SNTG1: variants seen among roughly 807,000 people sequenced by gnomAD.
SNTG1 encodes syntrophin gamma 1, also known as gamma-1-syntrophin.
A neutral mutation model predicts 74.7 loss-of-function variants in SNTG1; 39 were observed. The observed-to-expected ratio is 0.52, with a 90% CI of 0.40 to 0.68. The LOEUF (loss-of-function observed/expected upper bound fraction) is 0.68. SNTG1 is among the 30% of genes least tolerant of loss of function. SNTG1 has a pLI of 0.00. For missense variants in SNTG1, 685 were observed against 609.5 expected, an observed-to-expected ratio of 1.12 and a Z score of -1.30; for synonymous variants, 254 against 217.1, an observed-to-expected ratio of 1.17 and a Z score of -1.49.
At position 49,951,635 on chromosome 8, in the gene SNTG1, C is replaced by T. The variant is rs545869319; in HGVS notation, c.-103+39404C>T. Among the ~76,000 whole-genome samples, 6 of 151,428 alleles carry T rather than the reference C, an allele frequency of 4.0e-5. No homozygotes were observed. In the South Asian group the frequency reaches 8.4e-4, roughly 21 times the overall value. On this transcript the variant is annotated intron_variant, in intron 1 of 18. Transcript: ENST00000642720. ...GGGTGGGGGGAGCGGGGAGGGATAG[C>T]ATTGGGAGATATACCTAAGGCTAGA...
chr8:50,400,040 GC>G (rs2092782140), intron 3 of SNTG1, among the ~76,000 whole-genome samples: 1 of 152,154 alleles, frequency 6.6e-6, no homozygotes. Context: ...GTGTGCATCA[GC>G]ACACGAGAAC....
chr8:50,609,277 T>C (rs1483517242), intron 13 of SNTG1, among the ~76,000 whole-genome samples: 2 of 152,044 alleles, frequency 1.3e-5, no homozygotes, highest in African/African-American at 4.8e-5. Flanking sequence ...GGTAAAGTAT[T>C]TTGTTGTTGC....
rs192099375 is a variant in SNTG1 at position 50,518,045 on chromosome 8, C to T, written c.467-12132C>T. ...ATCACACTTATTCTAAAATTGACCA[C>T]ACAATTGGAAGTAAAACACTCCTCT... On this transcript the variant is annotated intron_variant, in intron 9 of 18. Coordinates refer to ENST00000642720, the MANE Select transcript of SNTG1 (RefSeq NM_018967.5). 6.5e-3 allele frequency among the ~76,000 whole-genome samples: 995 copies of T among 152,200 alleles called. 3 individuals are homozygous for T. Among genetic ancestry groups the T allele is most frequent in the Middle Eastern group, 0.031 (9 of 294 alleles).
intron 12 of SNTG1, among the ~76,000 whole-genome samples, chr8:50,581,949 G>A (rs2094612802): frequency 6.6e-6 from 1 of 152,140 alleles, no homozygotes; most frequent in Non-Finnish European, 1.5e-5. Flanking sequence ...GCTTGAAGGA[G>A]GTTAAGAAAT....
intron 1 of SNTG1, among the ~76,000 whole-genome samples, chr8:50,017,406 T>A (rs1293916030): frequency 6.6e-6 from 1 of 152,022 alleles, no homozygotes. Flanking sequence ...AAATAACAGA[T>A]GCAAATCCTA....
At chr8:50,394,479 A>G (rs1012683174) in intron 3 of SNTG1, among the ~76,000 whole-genome samples, 2 of 152,210 alleles carry the variant, frequency 1.3e-5, no homozygotes, top group Non-Finnish European at 2.9e-5. Flanking sequence ...CTTTAGGAAG[A>G]CTGGAGCATA....
chr8:50,329,407 G>A (rs541944505), intron 2 of SNTG1, among the ~76,000 whole-genome samples: 20 of 152,192 alleles, frequency 1.3e-4, no homozygotes, highest in South Asian at 8.3e-4. Context: ...CTGGACATCC[G>A]CGCATTCCCA....
At chr8:49,999,488 C>G (rs1814548066) in intron 1 of SNTG1, among the ~76,000 whole-genome samples, 1 of 152,184 alleles carries the variant, frequency 6.6e-6, no homozygotes, top group African/African-American at 2.4e-5. Flanking sequence ...CAATTCAAGT[C>G]TGATTAGTAT....
In SNTG1 at chr8:50,793,205, T is replaced by C. The variant is rs887082167; in HGVS notation, c.*376T>C. 6.4e-6 allele frequency: 1 copy of C among 156,104 alleles called. No individual in the cohort carries two copies. The highest frequency in any genetic ancestry group is 2.4e-5 in the African/African-American group (1 of 41,582). The allele number at this position is 156,104 out of a possible 1,614,324, so 9.7% of individuals were successfully genotyped here. A position where few individuals can be genotyped will look rare whatever the true frequency, so the allele number is the denominator to read the frequency against. ...CTTCTGTATTTTAGATTATTTTGTATGACTAGTACATGTTGGGCAGAGTCA... is the reference window on the plus strand; with the variant it reads ...CTTCTGTATTTTAGATTATTTTGTACGACTAGTACATGTTGGGCAGAGTCA... On this transcript the variant is annotated 3_prime_UTR_variant, in exon 19 of 19. Coordinates refer to ENST00000642720, the MANE Select transcript of SNTG1 (RefSeq NM_018967.5).
intron 2 of SNTG1, among the ~76,000 whole-genome samples, chr8:50,360,052 A>C (rs1450043245): frequency 6.6e-6 from 1 of 152,142 alleles, no homozygotes; most frequent in Non-Finnish European, 1.5e-5. Context: ...TGAGTGACTC[A>C]ATTCTAATTT....
chr8:50,114,313 A>G (rs2131321091), intron 1 of SNTG1, among the ~76,000 whole-genome samples: 1 of 152,334 alleles, frequency 6.6e-6, no homozygotes, highest in South Asian at 2.1e-4. Flanking sequence ...AATGTATCTC[A>G]TTGCTAATAG....
At chr8:50,719,723 A>C (rs2095483145) in intron 17 of SNTG1, among the ~76,000 whole-genome samples, 3 of 152,180 alleles carry the variant, frequency 2.0e-5, no homozygotes, top group Admixed American at 2.0e-4. Flanking sequence ...AATTTGGGGC[A>C]TTCTTTTGAA....
At chr8:50,252,473 G>GA (rs997067057) in intron 2 of SNTG1, among the ~76,000 whole-genome samples, 1 of 149,998 alleles carries the variant, frequency 6.7e-6, no homozygotes, top group Non-Finnish European at 1.5e-5. Flanking sequence ...GATTAACTGA[G>GA]AAAAAAAGAG....
chr8:49,915,417 T>G (rs1805940982), intron 1 of SNTG1, among the ~76,000 whole-genome samples: 1 of 152,170 alleles, frequency 6.6e-6, no homozygotes, highest in Admixed American at 6.6e-5. Flanking sequence ...TTAACAACTC[T>G]CAGCATAGGG....
At chr8:50,748,830 T>C (rs1401409944) in intron 17 of SNTG1, among the ~76,000 whole-genome samples, 1 of 152,032 alleles carries the variant, frequency 6.6e-6, no homozygotes, top group East Asian at 1.9e-4. Flanking sequence ...CAAAAAGATG[T>C]GTGTTCTGAC....
intron 9 of SNTG1, among the ~76,000 whole-genome samples, chr8:50,519,149 C>T (rs1408363432): frequency 6.6e-6 from 1 of 152,168 alleles, no homozygotes; most frequent in Non-Finnish European, 1.5e-5. Context: ...CCTGGTTAAA[C>T]ATACACAAAT....
intron 10 of SNTG1, among the ~76,000 whole-genome samples, chr8:50,533,956 C>A (rs1032087833): frequency 6.6e-6 from 1 of 152,098 alleles, no homozygotes; most frequent in East Asian, 1.9e-4. Flanking sequence ...ATATCTTTAA[C>A]AATCTTTGAC....
chr8:50,430,445 C>A (rs931448685), intron 4 of SNTG1, among the ~76,000 whole-genome samples: 23 of 152,148 alleles, frequency 1.5e-4, no homozygotes, highest in African/African-American at 5.3e-4. Flanking sequence ...CACAGAGAAA[C>A]CTGGATTCCC....
intron 2 of SNTG1, among the ~76,000 whole-genome samples, chr8:50,214,593 A>G (rs1380049542): frequency 2.6e-5 from 4 of 152,070 alleles, no homozygotes; most frequent in African/African-American, 4.8e-5. Flanking sequence ...TCAAGAAAAT[A>G]CATTTCGTGC....
Sources: allele counts gnomAD v4.1 joint callset (sites outside exome capture counted in the v4.1 genomes callset), GRCh38; gene constraint gnomAD v4.1.1; transcripts MANE v1.5; gene names NCBI Gene and HGNC (gene_info 2026-07-23, HGNC 2026-07-21).